IGF2BP3: variants seen among roughly 807,000 people sequenced by gnomAD.
The protein encoded by IGF2BP3 is insulin-like growth factor 2 mRNA-binding protein 3.
A neutral mutation model predicts 73.8 loss-of-function variants in IGF2BP3; 9 were observed. The ratio of observed to expected loss-of-function variants is 0.12; its 90% CI spans 0.07 to 0.21. The LOEUF is 0.21. Ranked by LOEUF, IGF2BP3 falls within the 10% of genes least tolerant of loss-of-function variation. The pLI, the probability that IGF2BP3 is intolerant of heterozygous loss-of-function variation, is 1.00. For missense variants in IGF2BP3, 542 were observed against 714.0 expected, an observed-to-expected ratio of 0.76 and a Z score of 2.75; for synonymous variants, 258 against 256.7, an observed-to-expected ratio of 1.01 and a Z score of -0.05.
intron 7 of IGF2BP3, among the ~76,000 whole-genome samples, chr7:23,346,592 TTC>T (rs1784832720): frequency 6.8e-6 from 1 of 147,212 alleles, no homozygotes; most frequent in Non-Finnish European, 1.5e-5. Flanking sequence ...CTTTTCCTTT[TTC>T]TTTCTTTTTT....
chr7:23,374,510 CT>C (rs1785656973), intron 3 of IGF2BP3, among the ~76,000 whole-genome samples: 1 of 151,992 alleles, frequency 6.6e-6, no homozygotes, highest in Non-Finnish European at 1.5e-5. Context: ...GACCCCATCT[CT>C]ACAAAAATAA....
chr7:23,421,477 G>A (rs1327958357), intron 2 of IGF2BP3, among the ~76,000 whole-genome samples: 4 of 151,748 alleles, frequency 2.6e-5, no homozygotes, highest in Non-Finnish European at 5.9e-5. Context: ...CGGATCACCT[G>A]AGGTCAGAAG....
intron 10 of IGF2BP3, among the ~76,000 whole-genome samples, chr7:23,334,119 T>A (rs1444062452): frequency 2.0e-5 from 3 of 152,122 alleles, no homozygotes; most frequent in Non-Finnish European, 2.9e-5. Flanking sequence ...GCGGATCCCT[T>A]GAGGTCAGGA....
rs1251294879 is a variant in IGF2BP3, at chr7:23,310,217, AATG to A, written c.*2142_*2144del. The A allele has an allele frequency of 3.9e-5, 6 of 152,216 alleles. No individual in the cohort carries two copies. Among genetic ancestry groups the A allele is most frequent in the African/African-American group, 1.4e-4 (6 of 41,458 alleles). 9.4% of individuals were successfully genotyped at this position (152,216 alleles called of 1,614,324 possible). ...CATACTACACAACAAGCTGCACCTA[AATG>A]ATGAAAAAATTTATTCTGCGTCAAG... On this transcript the variant is annotated 3_prime_UTR_variant, in exon 15 of 15. Transcript: ENST00000258729.
intron 3 of IGF2BP3, among the ~76,000 whole-genome samples, chr7:23,410,258 G>A (rs1786977892): frequency 1.3e-5 from 2 of 152,142 alleles, no homozygotes; most frequent in Non-Finnish European, 1.5e-5. Context: ...TGGGGAGGCT[G>A]AGATGGGAGA....
chr7:23,389,273 G>A (rs1252530118), intron 3 of IGF2BP3, among the ~76,000 whole-genome samples: 5 of 151,486 alleles, frequency 3.3e-5, no homozygotes, highest in Non-Finnish European at 5.9e-5. Flanking sequence ...TGATTCTCCT[G>A]CCTCAGCCTC....
intron 3 of IGF2BP3, among the ~76,000 whole-genome samples, chr7:23,379,560 G>A (rs1043445597): frequency 1.3e-5 from 2 of 152,166 alleles, no homozygotes; most frequent in African/African-American, 4.8e-5. Flanking sequence ...TAATAATCAA[G>A]GAGAAGTTAT....
intron 2 of IGF2BP3, among the ~76,000 whole-genome samples, chr7:23,450,033 C>A (rs1057502368): frequency 6.6e-6 from 1 of 152,206 alleles, no homozygotes; most frequent in Admixed American, 6.5e-5. Context: ...ACTGGTAGAG[C>A]AAAGGCAATG....
intron 2 of IGF2BP3, among the ~76,000 whole-genome samples, chr7:23,453,664 A>C (rs866724545): frequency 1.3e-5 from 2 of 152,324 alleles, no homozygotes; most frequent in Middle Eastern, 6.8e-3. Flanking sequence ...GATACTGCCA[A>C]ATAGTGTGCC....
intron 2 of IGF2BP3, among the ~76,000 whole-genome samples, chr7:23,437,514 AAATAAAT>A (rs1787833896): frequency 6.6e-6 from 1 of 151,814 alleles, no homozygotes; most frequent in Non-Finnish European, 1.5e-5. Flanking sequence ...ATAAATAAAT[AAATAAAT>A]AAAACAATCT....
At position 23,346,300 on chromosome 7, in the gene IGF2BP3, T is replaced by C. The variant is rs145946831; in HGVS notation, c.819-238A>G. On this transcript the variant is annotated intron_variant, in intron 7 of 14. Transcript: ENST00000258729. ...CTTATTTTATTCACTTCAGGAAATATCTTCAGTGATGGAGTCTCTTACTCA... is the reference window on the plus strand; with the variant it reads ...CTTATTTTATTCACTTCAGGAAATACCTTCAGTGATGGAGTCTCTTACTCA... The C allele has an allele frequency of 1.1e-3, 468 of 425,536 alleles. 4 individuals carry two copies. The highest frequency in any genetic ancestry group is 8.6e-3 in the African/African-American group (434 of 50,302). The allele number at this position is 425,536 out of a possible 1,614,324, so 26.4% of individuals were successfully genotyped here. A position where few individuals can be genotyped will look rare whatever the true frequency, so the allele number is the denominator to read the frequency against.
intron 2 of IGF2BP3, among the ~76,000 whole-genome samples, chr7:23,443,762 C>A (rs551326133): frequency 6.6e-6 from 1 of 151,972 alleles, no homozygotes; most frequent in South Asian, 2.1e-4. Context: ...ATAATCTCAG[C>A]ACTTTGGGAG....
intron 10 of IGF2BP3, among the ~76,000 whole-genome samples, chr7:23,339,332 G>A (rs1451243274): frequency 6.6e-6 from 1 of 152,200 alleles, no homozygotes; most frequent in South Asian, 2.1e-4. Context: ...GACTGTAGAA[G>A]TGCTGGAGAA....
intron 3 of IGF2BP3, among the ~76,000 whole-genome samples, chr7:23,405,506 G>A (rs1786798768): frequency 6.6e-6 from 1 of 152,192 alleles, no homozygotes; most frequent in South Asian, 2.1e-4. Context: ...GAGAAGCCTT[G>A]TAGTTTAGGC....
rs1783795650 is a variant in IGF2BP3 at position 23,310,383 on chromosome 7, TA to T, written c.*1978del. On this transcript the variant is annotated 3_prime_UTR_variant, in exon 15 of 15. Coordinates refer to ENST00000258729, the MANE Select transcript of IGF2BP3 (RefSeq NM_006547.3). ...CAAATTACAAATGCTTAAGTAAAAGTAAAATATGATTTGCCATACTAAAAGG... is the reference window on the plus strand; with the variant it reads ...CAAATTACAAATGCTTAAGTAAAAGTAAATATGATTTGCCATACTAAAAGG... The T allele has an allele frequency of 6.6e-6, 1 of 152,112 alleles. No homozygotes were observed. Among genetic ancestry groups the T allele is most frequent in the African/African-American group, 2.4e-5 (1 of 41,446 alleles). The allele number at this position is 152,112 out of a possible 1,614,324, so 9.4% of individuals were successfully genotyped here. A position where few individuals can be genotyped will look rare whatever the true frequency, so the allele number is the denominator to read the frequency against.
intron 2 of IGF2BP3, among the ~76,000 whole-genome samples, chr7:23,458,876 G>A (rs578059823): frequency 3.3e-5 from 5 of 152,266 alleles, no homozygotes; most frequent in Non-Finnish European, 7.4e-5. Context: ...GCTCTGACTT[G>A]CCACTGCAAA....
intron 6 of IGF2BP3, among the ~76,000 whole-genome samples, chr7:23,349,706 G>A (rs1414484142): frequency 6.6e-6 from 1 of 152,148 alleles, no homozygotes; most frequent in African/African-American, 2.4e-5. Flanking sequence ...CTCTGCAAAT[G>A]AATCATCGGA....
intron 3 of IGF2BP3, among the ~76,000 whole-genome samples, chr7:23,405,359 G>A (rs576841284): frequency 6.6e-6 from 1 of 152,310 alleles, no homozygotes; most frequent in African/African-American, 2.4e-5. Flanking sequence ...TCAAAGTAAA[G>A]ATAACAGACA....
intron 2 of IGF2BP3, among the ~76,000 whole-genome samples, chr7:23,458,910 T>C (rs974347434): frequency 2.0e-5 from 3 of 152,202 alleles, no homozygotes; most frequent in Non-Finnish European, 4.4e-5. Context: ...CTGTGCAAGC[T>C]ACTTTGAGGA....
Sources: gnomAD v4.1 joint callset for allele counts (sites outside exome capture counted in the v4.1 genomes callset) on GRCh38, gnomAD v4.1.1 for gene constraint, MANE v1.5 for transcripts, NCBI Gene and HGNC (gene_info 2026-07-23, HGNC 2026-07-21) for gene names.